KCTD18: variants seen among roughly 807,000 people sequenced by gnomAD.
KCTD18 encodes potassium channel tetramerization domain containing 18, also known as BTB/POZ domain-containing protein KCTD18.
KCTD18 carries 22 observed loss-of-function variants against 30.4 expected under a neutral mutation model. That is an observed-to-expected ratio of 0.72 (90% CI 0.52 to 1.03). The LOEUF (loss-of-function observed/expected upper bound fraction) is 1.03. KCTD18 is among the 50% of genes least tolerant of loss of function. The probability of loss-of-function intolerance (pLI) is 0.00; values close to 1 mark genes in which losing one functional copy is unlikely to be tolerated. For missense variants in KCTD18, 529 were observed against 547.6 expected (o/e 0.97, Z 0.34); for synonymous variants, 186 against 209.0 (o/e 0.89, Z 0.95).
chr2:200,490,906 C>A (rs902867502), intron 6 of KCTD18, among the ~76,000 whole-genome samples: 1 of 152,084 alleles, frequency 6.6e-6, no homozygotes, highest in African/African-American at 2.4e-5. Flanking sequence ...TCACCCTGTT[C>A]CCAAGTATCA....
intron 6 of KCTD18, among the ~76,000 whole-genome samples, chr2:200,491,458 T>C (rs1460429255): frequency 1.3e-5 from 2 of 152,198 alleles, no homozygotes; most frequent in African/African-American, 2.4e-5. Flanking sequence ...TTTTTTCTTC[T>C]TGAAGCTTTA....
intron 6 of KCTD18, among the ~76,000 whole-genome samples, chr2:200,492,412 A>G (rs1042102874): frequency 4.6e-5 from 7 of 152,356 alleles, no homozygotes; most frequent in South Asian, 2.1e-4. Flanking sequence ...CTGTAGGCTC[A>G]AAAGGTAAAA....
At chr2:200,491,243 GTC>G (rs2106275311) in intron 6 of KCTD18, among the ~76,000 whole-genome samples, 1 of 152,210 alleles carries the variant, frequency 6.6e-6, no homozygotes, top group Admixed American at 6.5e-5. Context: ...ATCTCTTGCT[GTC>G]TCTCACCGTG....
chr2:200,495,066 A>C (rs1453216634), intron 5 of KCTD18, among the ~76,000 whole-genome samples: 1 of 152,184 alleles, frequency 6.6e-6, no homozygotes, highest in East Asian at 1.9e-4. Flanking sequence ...TCCTGCCTAT[A>C]AAGTAATTCA....
chr2:200,490,609 T>C lies in KCTD18; in HGVS notation c.772A>G (p.Ile258Val). 6.3e-7 allele frequency: 1 copy of C among 1,584,992 alleles called. No individual in the cohort carries two copies. Among genetic ancestry groups the C allele is most frequent in the Non-Finnish European group, 8.5e-7 (1 of 1,170,292 alleles). Residue 258 changes from isoleucine to valine, a missense_variant, in exon 7 of 7, where the codon ATA becomes GTA. Transcript: ENST00000359878. ...HMAPIRKRRL[I>V]TFNEADESVN... ...CTTTCGTCCGCTTCATTGAACGTTA[T>C]CAGTCGCCTAGAAATACAGAAGCGT... is the stretch of plus-strand genomic sequence containing the variant.
intron 1 of KCTD18, among the ~76,000 whole-genome samples, 178 bp downstream of exon 1, chr2:200,509,447 ACTC>A (rs577033129): frequency 2.6e-5 from 4 of 151,774 alleles, no homozygotes; most frequent in Non-Finnish European, 4.4e-5. Flanking sequence ...TTTAAGAGCT[ACTC>A]CTCCTACCCC....
At chr2:200,498,418 T>C (rs2088030967) in intron 4 of KCTD18, among the ~76,000 whole-genome samples, 1 of 152,174 alleles carries the variant, frequency 6.6e-6, no homozygotes, top group Admixed American at 6.5e-5. Context: ...TCTTAAGAAT[T>C]TAACATGTTC....
At chr2:200,498,504 C>T (rs1157592030) in intron 4 of KCTD18, among the ~76,000 whole-genome samples, 3 of 152,196 alleles carry the variant, frequency 2.0e-5, no homozygotes, top group African/African-American at 7.2e-5. Context: ...CAAGGCAGGC[C>T]AGCCCTGAGT....
chr2:200,492,147 C>A (rs2087929408), intron 6 of KCTD18, among the ~76,000 whole-genome samples: 1 of 152,160 alleles, frequency 6.6e-6, no homozygotes, highest in South Asian at 2.1e-4. Context: ...CATCTTCCAC[C>A]AGACTCCACA....
chr2:200,490,383 G>A lies in KCTD18; in HGVS notation c.998C>T (p.Ala333Val), dbSNP rs13018579. 0.21 allele frequency: 331,145 copies of A among 1,614,088 alleles called. 37,272 individuals are homozygous for A. Among genetic ancestry groups the A allele is most frequent in the Middle Eastern group, 0.28 (1,718 of 6,062 alleles). ...CCCAGGTGCCCCCGTGCCCACCAGG[G>A]CCGTGGCTCTGGAAGGTGCAGAGCG... ...AQRSAPSRAT[A>V]LVGTGAPGHP... Residue 333 changes from alanine (A) to valine (V), a missense_variant, in exon 7 of 7, where the codon GCC (alanine) becomes GTC (valine). Coordinates refer to ENST00000359878, the MANE Select transcript of KCTD18 (RefSeq NM_152387.4).
chr2:200,506,923 G>A lies in KCTD18; in HGVS notation c.94C>T (p.Arg32Cys), dbSNP rs375702850. Residue 32 changes from arginine (R) to cysteine (C), a missense_variant, in exon 2 of 7, where the codon CGC becomes TGC. Physicochemically the swap from Arg to Cys is radical, Grantham distance 180. Transcript: ENST00000359878. ...GATGCCAACATGGAGTCCTTGAAGC[G>A]GCACAAGGACTCCCGCCGGGCTGTG... Reference protein sequence around the residue: ...IYTARRESLCRFKDSMLASMF... With the variant: ...IYTARRESLCCFKDSMLASMF... 1.4e-5 allele frequency: 22 copies of A among 1,613,752 alleles called. No individual in the cohort carries two copies. Among genetic ancestry groups the A allele is most frequent in the Middle Eastern group, 1.6e-4 (1 of 6,078 alleles).
chr2:200,503,471 CAT>C lies in KCTD18; in HGVS notation c.372+1275_372+1276del, dbSNP rs371671341. Among the ~76,000 whole-genome samples, 245 of 152,272 alleles carry C rather than the reference CAT, an allele frequency of 1.6e-3. 2 individuals carry two copies. The highest frequency in any genetic ancestry group is 5.5e-3 in the African/African-American group (230 of 41,542). ...ACATGTCACAGGCACTTGAAACAAACATGTGTTGGCTGACAGCATGAATGTGG... is the reference window on the plus strand; with the variant it reads ...ACATGTCACAGGCACTTGAAACAAACGTGTTGGCTGACAGCATGAATGTGG... On this transcript the variant is annotated intron_variant, in intron 3 of 6. Coordinates refer to ENST00000359878, the MANE Select transcript of KCTD18 (RefSeq NM_152387.4).
At chr2:200,491,385 T>C (rs1054179035) in intron 6 of KCTD18, among the ~76,000 whole-genome samples, 27 of 152,350 alleles carry the variant, frequency 1.8e-4, no homozygotes, top group African/African-American at 5.1e-4. Flanking sequence ...CTCTTTTCTT[T>C]ATAAATTACC....
At chr2:200,495,278 G>T (rs531062961) in intron 5 of KCTD18, among the ~76,000 whole-genome samples, 1 of 152,248 alleles carries the variant, frequency 6.6e-6, no homozygotes, top group Admixed American at 6.5e-5. Context: ...TATGCAAAAA[G>T]TTATTTAAAA....
intron 6 of KCTD18, among the ~76,000 whole-genome samples, chr2:200,492,831 A>ATT (rs5837746): frequency 6.6e-5 from 10 of 151,636 alleles, no homozygotes; most frequent in South Asian, 2.1e-4. Flanking sequence ...GTCTAAATAG[A>ATT]TTTTTTTTTT....
At chr2:200,499,155 C>T in intron 3 of KCTD18, 71 bp from the exon 4 acceptor site, 1 of 1,079,202 alleles carries the variant, frequency 9.3e-7, no homozygotes, top group Non-Finnish European at 1.3e-6. Flanking sequence ...TGCTCCATTA[C>T]TTTCATGTAA....
chr2:200,495,848 T>A (rs1574799457), intron 5 of KCTD18: 1 of 152,162 alleles, frequency 6.6e-6, no homozygotes, highest in East Asian at 1.9e-4. Flanking sequence ...TATTTATAAT[T>A]TTTAATGTTT....
intron 6 of KCTD18, among the ~76,000 whole-genome samples, chr2:200,490,897 C>T (rs2087905660): frequency 6.6e-6 from 1 of 152,130 alleles, no homozygotes; most frequent in African/African-American, 2.4e-5. Flanking sequence ...TACAATATAT[C>T]ACCCTGTTCC....
In KCTD18 at chr2:200,489,737, C is replaced by CT; in HGVS notation, c.*362dup. ...CAGACAGGAATACCTAAGGCCAAAC[C>CT]TCATGCCCATCCTCGGGTTGCAACA... On this transcript the variant is annotated 3_prime_UTR_variant, in exon 7 of 7. Coordinates refer to ENST00000359878, the MANE Select transcript of KCTD18 (RefSeq NM_152387.4). 1 of 203,330 alleles carries CT rather than the reference C, an allele frequency of 4.9e-6. No homozygotes were observed. The highest frequency in any genetic ancestry group is 9.9e-6 in the Non-Finnish European group (1 of 101,140). The allele number at this position is 203,330 out of a possible 1,614,324, so 12.6% of individuals were successfully genotyped here. A position where few individuals can be genotyped will look rare whatever the true frequency, so the allele number is the denominator to read the frequency against.
Sources: gnomAD v4.1 joint callset for allele counts (sites outside exome capture counted in the v4.1 genomes callset) on GRCh38, gnomAD v4.1.1 for gene constraint, MANE v1.5 for transcripts, NCBI Gene and HGNC (gene_info 2026-07-23, HGNC 2026-07-21) for gene names.